UNC5D: variants seen among roughly 807,000 people sequenced by gnomAD.
The protein encoded by UNC5D is unc-5 netrin receptor D.
A neutral mutation model predicts 105.4 loss-of-function variants in UNC5D; 39 were observed. The observed-to-expected ratio is 0.37, with a 90% confidence interval of 0.29 to 0.48. The LOEUF (loss-of-function observed/expected upper bound fraction) is 0.48. Among genes scored for constraint, UNC5D ranks in the 20% least tolerant of loss-of-function variants. The pLI, the probability that UNC5D is intolerant of heterozygous loss-of-function variation, is 0.98. For missense variants in UNC5D, 991 were observed against 1,202.4 expected, an observed-to-expected ratio of 0.82 and a Z score of 2.60; for synonymous variants, 452 against 450.4, an observed-to-expected ratio of 1.00 and a Z score of -0.04.
intron 1 of UNC5D, among the ~76,000 whole-genome samples, chr8:35,489,335 C>T (rs1811044617): frequency 6.6e-6 from 1 of 151,954 alleles, no homozygotes; most frequent in Non-Finnish European, 1.5e-5. Flanking sequence ...ACCCTAACAC[C>T]CGGCCACCCC....
intron 1 of UNC5D, among the ~76,000 whole-genome samples, chr8:35,413,308 G>GTGTA (rs796398119): frequency 7.1e-6 from 1 of 141,522 alleles, no homozygotes; most frequent in Non-Finnish European, 1.5e-5. Context: ...GTGTGTGTGT[G>GTGTA]TTTTCTCTCT....
chr8:35,499,580 C>T (rs1378007272), intron 1 of UNC5D, among the ~76,000 whole-genome samples: 1 of 152,050 alleles, frequency 6.6e-6, no homozygotes, highest in Non-Finnish European at 1.5e-5. Context: ...CATCATTTAG[C>T]CAGAGGAAAC....
intron 2 of UNC5D, among the ~76,000 whole-genome samples, chr8:35,552,945 G>T (rs999448692): frequency 5.3e-5 from 8 of 152,160 alleles, no homozygotes; most frequent in Admixed American, 2.0e-4. Flanking sequence ...TGTGTCTTTT[G>T]CTCAATTAGT....
chr8:35,400,610 G>T (rs1336062002), intron 1 of UNC5D, among the ~76,000 whole-genome samples: 2 of 152,058 alleles, frequency 1.3e-5, no homozygotes, highest in Non-Finnish European at 2.9e-5. Flanking sequence ...GGTCATTAGG[G>T]TAACAAATAT....
At chr8:35,517,385 G>A (rs542179730) in intron 1 of UNC5D, among the ~76,000 whole-genome samples, 3 of 152,164 alleles carry the variant, frequency 2.0e-5, no homozygotes, top group African/African-American at 4.8e-5. Flanking sequence ...GAAGAACAAC[G>A]GAAAATAGGC....
intron 16 of UNC5D, among the ~76,000 whole-genome samples, chr8:35,778,303 C>T (rs1312449068): frequency 2.0e-5 from 3 of 152,146 alleles, no homozygotes; most frequent in Admixed American, 2.0e-4. Context: ...ACTCTCTTAG[C>T]TAATTATATT....
At chr8:35,783,963 G>A (rs1339915705) in intron 16 of UNC5D, among the ~76,000 whole-genome samples, 3 of 152,108 alleles carry the variant, frequency 2.0e-5, no homozygotes, top group Non-Finnish European at 1.5e-5. Flanking sequence ...GTTTAAAGAT[G>A]TATTCTGAAA....
chr8:35,709,892 G>T (rs949081268), intron 8 of UNC5D, among the ~76,000 whole-genome samples: 1 of 152,126 alleles, frequency 6.6e-6, no homozygotes, highest in African/African-American at 2.4e-5. Flanking sequence ...AGAATGAGAA[G>T]TGGAGAATAG....
In UNC5D at chr8:35,294,296, C is replaced by T. The variant is rs188998749; in HGVS notation, c.103+58409C>T. Among the ~76,000 whole-genome samples, 40 of 152,272 alleles carry T rather than the reference C, an allele frequency of 2.6e-4. No homozygotes were observed. The East Asian group carries it at 7.1e-3, about 27-fold the overall frequency. On this transcript the variant is annotated intron_variant, in intron 1 of 16. Transcript: ENST00000404895. ...ATAAATGTCCTAGGTGGTACTTTCT[C>T]CTCCAGACTAGAGCATTTACATTTG...
intron 1 of UNC5D, among the ~76,000 whole-genome samples, chr8:35,248,221 AAT>A (rs1803321084): frequency 1.9e-5 from 2 of 103,334 alleles, no homozygotes; most frequent in Non-Finnish European, 3.4e-5. Flanking sequence ...ATAATATATA[AAT>A]ATATGTTATA....
intron 3 of UNC5D, among the ~76,000 whole-genome samples, chr8:35,572,885 G>C (rs1051290308): frequency 6.7e-6 from 1 of 149,890 alleles, no homozygotes; most frequent in African/African-American, 2.5e-5. Flanking sequence ...CTCACTGCAA[G>C]CTCCGCCTCC....
intron 14 of UNC5D, among the ~76,000 whole-genome samples, chr8:35,761,948 T>C (rs984828180): frequency 7.2e-5 from 11 of 152,202 alleles, no homozygotes; most frequent in Non-Finnish European, 1.3e-4. Context: ...CATTAGGGCT[T>C]AGTGGTTAGG....
At chr8:35,304,678 C>T (rs192373172) in intron 1 of UNC5D, among the ~76,000 whole-genome samples, 1 of 151,964 alleles carries the variant, frequency 6.6e-6, no homozygotes, top group African/African-American at 2.4e-5. Flanking sequence ...TTTTGTAAGC[C>T]AGTGTTATGT....
chr8:35,373,169 C>T (rs1182745559), intron 1 of UNC5D, among the ~76,000 whole-genome samples: 1 of 152,184 alleles, frequency 6.6e-6, no homozygotes, highest in Non-Finnish European at 1.5e-5. Context: ...ATCACTAATG[C>T]TCAGCCTATC....
chr8:35,747,074 G>A (rs577669981), intron 11 of UNC5D, among the ~76,000 whole-genome samples: 1 of 152,158 alleles, frequency 6.6e-6, no homozygotes, highest in Non-Finnish European at 1.5e-5. Context: ...GCTCGTATAG[G>A]AAGAATTGTC....
At chr8:35,516,661 T>C (rs1205033730) in intron 1 of UNC5D, among the ~76,000 whole-genome samples, 1 of 152,206 alleles carries the variant, frequency 6.6e-6, no homozygotes, top group Non-Finnish European at 1.5e-5. Context: ...CCCAAATTCA[T>C]CTACCCAGAT....
At chr8:35,506,867 C>T (rs908092971) in intron 1 of UNC5D, among the ~76,000 whole-genome samples, 2 of 152,104 alleles carry the variant, frequency 1.3e-5, no homozygotes, top group African/African-American at 4.8e-5. Flanking sequence ...TGGGTCAAGA[C>T]TTTTGGAAAA....
intron 13 of UNC5D, among the ~76,000 whole-genome samples, chr8:35,757,463 G>A (rs973523239): frequency 2.2e-4 from 33 of 151,966 alleles, no homozygotes; most frequent in African/African-American, 7.3e-4. Flanking sequence ...TTATTTCAAC[G>A]TTTGGCTCAA....
intron 1 of UNC5D, among the ~76,000 whole-genome samples, chr8:35,502,979 G>C (rs1812068395): frequency 6.6e-6 from 1 of 152,208 alleles, no homozygotes; most frequent in African/African-American, 2.4e-5. Context: ...GTGGTCCATA[G>C]ACCAGGAGCA....
Sources: gnomAD v4.1 joint callset for allele counts (sites outside exome capture counted in the v4.1 genomes callset) on GRCh38, gnomAD v4.1.1 for gene constraint, MANE v1.5 for transcripts, NCBI Gene and HGNC (gene_info 2026-07-23, HGNC 2026-07-21) for gene names.